EML4: variants seen among roughly 807,000 people sequenced by gnomAD.
EML4 encodes the protein echinoderm microtubule-associated protein-like 4.
EML4 carries 72 observed loss-of-function variants against 129.0 expected under a neutral mutation model. The ratio of observed to expected loss-of-function variants is 0.56; its 90% CI spans 0.46 to 0.68. The LOEUF is 0.68. Among genes scored for constraint, EML4 ranks in the 30% least tolerant of loss-of-function variants. The probability of loss-of-function intolerance (pLI) is 0.00; values close to 1 mark genes in which losing one functional copy is unlikely to be tolerated. For missense variants in EML4, 1,363 were observed against 1,190.6 expected, an observed-to-expected ratio of 1.14 and a Z score of -2.13; for synonymous variants, 532 against 405.0, an observed-to-expected ratio of 1.31 and a Z score of -3.77.
rs186660700 is a variant in EML4 at position 42,220,994 on chromosome 2, G to A, written c.26-24511G>A. On this transcript the variant is annotated intron_variant, in intron 1 of 22. Coordinates refer to ENST00000318522, the MANE Select transcript of EML4 (RefSeq NM_019063.5). The stretch of plus-strand genomic sequence containing the variant: ...AGAAGTTTGAAGCTAGCAGAGATTA[G>A]TTCATGAGGTTTAAGGAAAGAAGCC... Among the ~76,000 whole-genome samples the A allele has an allele frequency of 3.9e-5, 6 of 152,306 alleles. 1 individual carries two copies. The highest frequency in any genetic ancestry group is 8.8e-5 in the Non-Finnish European group (6 of 68,008).
At chr2:42,251,335 C>T (rs900995688) in intron 2 of EML4, among the ~76,000 whole-genome samples, 1 of 152,214 alleles carries the variant, frequency 6.6e-6, no homozygotes, top group African/African-American at 2.4e-5. Flanking sequence ...CATCGTGGAA[C>T]AAGACATTAT....
Position 42,263,285 on chromosome 2 carries a change from A to C in EML4, c.620A>C (p.Lys207Thr), listed in dbSNP as rs750078431. 4.3e-6 allele frequency: 7 copies of C among 1,611,908 alleles called. No individual in the cohort carries two copies. In the Admixed American group the frequency reaches 5.0e-5, roughly 12 times the overall value. ...KIPSTPKLIP[K>T]VTKTADKHKD... ...CCTTCAACACCCAAATTAATACCAA[A>C]AGTTACCAAAACTGCAGACAAGTAA... is the stretch of plus-strand genomic sequence containing the variant. The change falls in exon 5 of 23, where the codon AAA becomes ACA. Residue 207 changes from lysine (K) to threonine (T), a missense_variant. Lys to Thr is a moderately conservative substitution (Grantham distance 78). Coordinates refer to ENST00000318522, the MANE Select transcript of EML4 (RefSeq NM_019063.5).
chr2:42,216,230 C>CTTTTTTTTTTTTTTTT (rs61417977), intron 1 of EML4, among the ~76,000 whole-genome samples: 1 of 43,356 alleles, frequency 2.3e-5, no homozygotes, highest in African/African-American at 1.3e-4. Flanking sequence ...CGGCCCACTT[C>CTTTTTTTTTTTTTTTT]TTTTTTTTTT....
chr2:42,189,297 A>G (rs567020316), intron 1 of EML4, among the ~76,000 whole-genome samples: 4 of 152,328 alleles, frequency 2.6e-5, no homozygotes, highest in South Asian at 4.1e-4. Flanking sequence ...AAATCTGTCC[A>G]TGTCTCCTAT....
At chr2:42,304,598 A>G in intron 17 of EML4, 47 bp downstream of exon 17, 1 of 1,373,832 alleles carries the variant, frequency 7.3e-7, no homozygotes, top group Non-Finnish European at 1.0e-6. Flanking sequence ...TGGGATGTTT[A>G]AATGCTATTC....
At chr2:42,261,859 C>G (rs540738657) in intron 4 of EML4, among the ~76,000 whole-genome samples, 1 of 151,982 alleles carries the variant, frequency 6.6e-6, no homozygotes, top group Non-Finnish European at 1.5e-5. Context: ...CTTCTGTGTC[C>G]GTAATAATTA....
chr2:42,266,496 C>T (rs1558557244), intron 6 of EML4, among the ~76,000 whole-genome samples: 1 of 152,184 alleles, frequency 6.6e-6, no homozygotes, highest in African/African-American at 2.4e-5. Flanking sequence ...AGGCGCGCAC[C>T]ACATACCTGG....
intron 2 of EML4, among the ~76,000 whole-genome samples, chr2:42,252,744 C>T (rs779659962): frequency 7.9e-5 from 12 of 152,166 alleles, no homozygotes; most frequent in Non-Finnish European, 1.6e-4. Flanking sequence ...ATTGTCTTAT[C>T]ACCGCCCTTT....
intron 1 of EML4, among the ~76,000 whole-genome samples, chr2:42,244,111 T>C (rs1675226077): frequency 6.8e-6 from 1 of 146,410 alleles, no homozygotes; most frequent in Non-Finnish European, 1.5e-5. Context: ...GTTTTTTTTT[T>C]TTTTTTGAGA....
intron 1 of EML4, among the ~76,000 whole-genome samples, chr2:42,192,420 A>G (rs1456750982): frequency 4.0e-5 from 6 of 151,856 alleles, no homozygotes; most frequent in Non-Finnish European, 8.8e-5. Flanking sequence ...TTATATTTTT[A>G]GTAAAGGCAG....
intron 2 of EML4, among the ~76,000 whole-genome samples, chr2:42,253,805 A>G (rs537751476): frequency 2.0e-5 from 3 of 152,354 alleles, no homozygotes; most frequent in African/African-American, 4.8e-5. Flanking sequence ...ATAGACCTCA[A>G]TGTAAGGGCT....
At chr2:42,170,797 C>T (rs918060422) in intron 1 of EML4, among the ~76,000 whole-genome samples, 3 of 152,166 alleles carry the variant, frequency 2.0e-5, no homozygotes, top group African/African-American at 7.2e-5. Context: ...GATAATAAGT[C>T]TCTACTTGGT....
chr2:42,314,397 T>A (rs1353610950), intron 17 of EML4, among the ~76,000 whole-genome samples: 1 of 152,114 alleles, frequency 6.6e-6, no homozygotes, highest in African/African-American at 2.4e-5. Flanking sequence ...CCTGTTCAGT[T>A]CATGAATGAA....
chr2:42,192,244 G>C (rs1488696571), intron 1 of EML4, among the ~76,000 whole-genome samples: 5 of 109,410 alleles, frequency 4.6e-5, no homozygotes, highest in South Asian at 2.7e-4. Context: ...TTTTTTTTTT[G>C]GGGGGGGGAG....
chr2:42,192,027 T>C (rs533193570), intron 1 of EML4, among the ~76,000 whole-genome samples: 1 of 151,268 alleles, frequency 6.6e-6, no homozygotes, highest in African/African-American at 2.4e-5. Context: ...TAATTCCAGC[T>C]ACTCGGGAGG....
At chr2:42,217,790 A>G (rs1406618278) in intron 1 of EML4, among the ~76,000 whole-genome samples, 1 of 152,224 alleles carries the variant, frequency 6.6e-6, no homozygotes, top group Non-Finnish European at 1.5e-5. Flanking sequence ...AACCAATATT[A>G]TAACCAAACT....
chr2:42,254,601 C>G (rs961857008), intron 2 of EML4, among the ~76,000 whole-genome samples: 1 of 141,144 alleles, frequency 7.1e-6, no homozygotes, highest in Admixed American at 7.5e-5. Flanking sequence ...TGAGGTAACA[C>G]TTAATACCCT....
chr2:42,263,398 CTTTTTTTTTTTT>C (rs67401314), intron 5 of EML4, 92 bp downstream of exon 5: 2 of 240,760 alleles, frequency 8.3e-6, no homozygotes, highest in Non-Finnish European at 1.4e-5. Context: ...TGGTTTGAAT[CTTTTTTTTTTTT>C]TTTTTTTTTT....
intron 1 of EML4, among the ~76,000 whole-genome samples, chr2:42,189,972 GA>G (rs1034741755): frequency 3.4e-5 from 5 of 145,134 alleles, no homozygotes; most frequent in African/African-American, 1.0e-4. Context: ...ATGCAAAGAG[GA>G]AAAAAAAAGT....
Sources: gnomAD v4.1 joint callset for allele counts (sites outside exome capture counted in the v4.1 genomes callset) on GRCh38, gnomAD v4.1.1 for gene constraint, MANE v1.5 for transcripts, NCBI Gene and HGNC (gene_info 2026-07-23, HGNC 2026-07-21) for gene names.